The following AGAP1 variants were observed in gnomAD, a reference collection of about 807,000 sequenced individuals.
AGAP1 encodes the protein arf-GAP with GTPase, ANK repeat and PH domain-containing protein 1.
AGAP1 carries 29 observed loss-of-function variants against 105.3 expected under a neutral mutation model. That is an observed-to-expected ratio of 0.28 (90% CI 0.21 to 0.38). The LOEUF is 0.38. AGAP1 is among the 10% of genes least tolerant of loss of function. AGAP1 has a pLI of 1.00. For missense variants in AGAP1, 998 were observed against 1,165.1 expected, an observed-to-expected ratio of 0.86 and a Z score of 2.09; for synonymous variants, 509 against 485.9, an observed-to-expected ratio of 1.05 and a Z score of -0.63.
intron 1 of AGAP1, among the ~76,000 whole-genome samples, chr2:235,499,166 C>T (rs1009106649): frequency 1.3e-5 from 2 of 152,170 alleles, no homozygotes; most frequent in Non-Finnish European, 2.9e-5. Context: ...GGCCCTCTGT[C>T]GCCGTGTGAG....
chr2:235,669,005 A>C (rs1350241332), intron 1 of AGAP1, among the ~76,000 whole-genome samples: 1 of 152,168 alleles, frequency 6.6e-6, no homozygotes, highest in Non-Finnish European at 1.5e-5. Context: ...CCTTCCCCAC[A>C]CATTGGTAAA....
chr2:235,902,960 ATG>A, intron 10 of AGAP1, among the ~76,000 whole-genome samples: 1 of 152,310 alleles, frequency 6.6e-6, no homozygotes, highest in Non-Finnish European at 1.5e-5. Flanking sequence ...CCAGTGAATA[ATG>A]TGATGATGAC....
In AGAP1 at chr2:236,003,300, C is replaced by G. The variant is rs1214608942; in HGVS notation, c.1646-33261C>G. The stretch of plus-strand genomic sequence containing the variant: ...CCTCAGGTGATCTGCCTGCCTCAGC[C>G]TCCCAGAGTGCCAGGATTACAAGAG... On this transcript the variant is annotated intron_variant, in intron 13 of 17. Coordinates refer to ENST00000304032, the MANE Select transcript of AGAP1 (RefSeq NM_001037131.3). The surrounding 1 kb of genome is among the most constrained non-coding windows in gnomAD (Gnocchi z 4.2). Among the ~76,000 whole-genome samples, 2 of 152,214 alleles carry G rather than the reference C, an allele frequency of 1.3e-5. No homozygotes were observed. The highest frequency in any genetic ancestry group is 6.5e-5 in the Admixed American group (1 of 15,282).
At position 236,056,636 on chromosome 2, in the gene AGAP1, T is replaced by C. The variant is rs1425917949; in HGVS notation, c.2114+7355T>C. Among the ~76,000 whole-genome samples, 1 of 152,242 alleles carries C rather than the reference T, an allele frequency of 6.6e-6. No homozygotes were observed. The highest frequency in any genetic ancestry group is 1.5e-5 in the Non-Finnish European group (1 of 68,042). On this transcript the variant is annotated intron_variant, in intron 16 of 17. Coordinates refer to ENST00000304032, the MANE Select transcript of AGAP1 (RefSeq NM_001037131.3). The surrounding 1 kb of genome is among the most constrained non-coding windows in gnomAD (Gnocchi z 4.6). ...CAAGCATTTTCCAAAGGGCCCTGTC[T>C]TTCAGTCGTGTTTTGCTTATTTTGC... is the stretch of plus-strand genomic sequence containing the variant.
intron 7 of AGAP1, among the ~76,000 whole-genome samples, chr2:235,798,988 G>T (rs1957370221): frequency 6.6e-6 from 1 of 152,010 alleles, no homozygotes; most frequent in Non-Finnish European, 1.5e-5. Context: ...CATAATGTTG[G>T]CTGTGGTTCT....
At position 235,737,102 on chromosome 2, in the gene AGAP1, C is replaced by T. The variant is rs1952299793; in HGVS notation, c.311-3861C>T. On this transcript the variant is annotated intron_variant, in intron 3 of 17. Transcript: ENST00000304032. The surrounding 1 kb of genome is among the most constrained non-coding windows in gnomAD (Gnocchi z 4.5). ...GTGGTCCTATTGAGCTGAACCTGCT[C>T]CCATCAGTAGTGCCCTGCGGGACCT... Among the ~76,000 whole-genome samples the T allele has an allele frequency of 6.6e-6, 1 of 152,212 alleles. No individual in the cohort carries two copies. Among genetic ancestry groups the T allele is most frequent in the Non-Finnish European group, 1.5e-5 (1 of 68,040 alleles).
In AGAP1 at chr2:235,882,686, G is replaced by A. The variant is rs551318317; in HGVS notation, c.1051-659G>A. Among the ~76,000 whole-genome samples, 30 of 152,150 alleles carry A rather than the reference G, an allele frequency of 2.0e-4. No individual in the cohort carries two copies. Among genetic ancestry groups the A allele is most frequent in the Non-Finnish European group, 4.1e-4 (28 of 68,020 alleles). On this transcript the variant is annotated intron_variant, in intron 9 of 17. Transcript: ENST00000304032. This position sits in a 1 kb window ranked among gnomAD's most constrained non-coding sequence, Gnocchi z 4.6. ...ACCAATATTGGCCATGGTTGGCCAGGCTGGCCTCAAACTCCTGACCTCAGG... is the reference window on the plus strand; with the variant it reads ...ACCAATATTGGCCATGGTTGGCCAGACTGGCCTCAAACTCCTGACCTCAGG...
chr2:236,063,501 A>G (rs2058263246), intron 16 of AGAP1, among the ~76,000 whole-genome samples: 1 of 152,216 alleles, frequency 6.6e-6, no homozygotes, highest in African/African-American at 2.4e-5. Context: ...ACAACAAGCA[A>G]AACACACAAA....
chr2:236,102,285 C>T (rs1017388643), intron 16 of AGAP1, among the ~76,000 whole-genome samples: 7 of 150,418 alleles, frequency 4.7e-5, no homozygotes, highest in East Asian at 2.0e-4. Flanking sequence ...GGCGTGGTGG[C>T]GGGTGCCTGT....
chr2:235,722,978 T>C (rs1408858624), intron 3 of AGAP1, among the ~76,000 whole-genome samples: 1 of 152,168 alleles, frequency 6.6e-6, no homozygotes, highest in African/African-American at 2.4e-5. Context: ...AAAGCTGTCC[T>C]GGTTGGCAGG....
At position 235,613,634 on chromosome 2, in the gene AGAP1, G is replaced by GAATA. The variant is rs1946212503; in HGVS notation, c.164-95543_164-95542insTAAA. Among the ~76,000 whole-genome samples the GAATA allele has an allele frequency of 2.0e-5, 3 of 152,212 alleles. No homozygotes were observed. In the South Asian group the frequency reaches 6.2e-4, roughly 32 times the overall value. On this transcript the variant is annotated intron_variant, in intron 1 of 17. Transcript: ENST00000304032. ...CCCATTCTCCCTGAAAAAACTACAA[G>GAATA]AAATGGTAAGGAAGAGAATAAAAGA... is the stretch of plus-strand genomic sequence containing the variant.
intron 1 of AGAP1, among the ~76,000 whole-genome samples, chr2:235,525,111 T>G (rs1942778392): frequency 6.6e-6 from 1 of 152,242 alleles, no homozygotes; most frequent in Admixed American, 6.5e-5. Flanking sequence ...TTCATTTACT[T>G]TCTCTTTTTT....
At position 235,660,396 on chromosome 2, in the gene AGAP1, C is replaced by T. The variant is rs534781701; in HGVS notation, c.164-48783C>T. Among the ~76,000 whole-genome samples the T allele has an allele frequency of 2.0e-5, 3 of 152,160 alleles. No homozygotes were observed. The South Asian group carries it at 6.2e-4, about 32-fold the overall frequency. On this transcript the variant is annotated intron_variant, in intron 1 of 17. Transcript: ENST00000304032. The surrounding 1 kb of genome is among the most constrained non-coding windows in gnomAD (Gnocchi z 5.3). ...TACCTGCACTGATTAAGTCAACCAT[C>T]AAGCAGCATTTATTAAGTAGAACAT...
chr2:235,852,760 C>T (rs2048527509), intron 9 of AGAP1: 20 of 1,536,252 alleles, frequency 1.3e-5, no homozygotes, highest in South Asian at 8.5e-5. Context: ...CCCGTCAGTC[C>T]TCCCCCTGGC....
chr2:235,863,489 G>T (rs1289193964), intron 9 of AGAP1, among the ~76,000 whole-genome samples: 2 of 152,148 alleles, frequency 1.3e-5, no homozygotes, highest in Non-Finnish European at 2.9e-5. Context: ...CTGGCCTCCC[G>T]TCGAGTCCTC....
intron 1 of AGAP1, among the ~76,000 whole-genome samples, chr2:235,562,523 C>T (rs1944190699): frequency 6.6e-6 from 1 of 151,932 alleles, no homozygotes; most frequent in Admixed American, 6.6e-5. Context: ...CTCCCCAGCC[C>T]CAGCAGTCCG....
intron 9 of AGAP1, among the ~76,000 whole-genome samples, chr2:235,859,613 A>G (rs972099220): frequency 1.3e-5 from 2 of 151,474 alleles, no homozygotes; most frequent in African/African-American, 2.4e-5. Flanking sequence ...CCTTAACACA[A>G]TAGTAACTCA....
At chr2:235,498,760 C>G (rs1450437900) in intron 1 of AGAP1, among the ~76,000 whole-genome samples, 1 of 152,196 alleles carries the variant, frequency 6.6e-6, no homozygotes, top group African/African-American at 2.4e-5. Context: ...GAAGGTTGGC[C>G]TTCCTCTGAG....
In AGAP1 at chr2:235,653,266, C is replaced by T. The variant is rs541664032; in HGVS notation, c.164-55913C>T. 5.9e-5 allele frequency among the ~76,000 whole-genome samples: 9 copies of T among 152,116 alleles called. No homozygotes were observed. In the East Asian group the frequency reaches 9.7e-4, roughly 16 times the overall value. On this transcript the variant is annotated intron_variant, in intron 1 of 17. Coordinates refer to ENST00000304032, the MANE Select transcript of AGAP1 (RefSeq NM_001037131.3). ...GGATCACGAGGTCAGGAGATCGAGA[C>T]CATCCTGGCTATCACGGTGAAACAC...
Sources: allele counts gnomAD v4.1 joint callset (sites outside exome capture counted in the v4.1 genomes callset), GRCh38; gene constraint gnomAD v4.1.1; non-coding constraint Gnocchi (gnomAD v3.1); transcripts MANE v1.5; gene names NCBI Gene and HGNC (gene_info 2026-07-23, HGNC 2026-07-21).